The following POU5F1 variants were observed in gnomAD, a reference collection of about 807,000 sequenced individuals.
POU5F1 encodes the protein POU class 5 homeobox 1.
POU5F1 carries 6 observed loss-of-function variants against 38.3 expected under a neutral mutation model. The ratio of observed to expected loss-of-function variants is 0.16; its 90% CI spans 0.09 to 0.31. The LOEUF is 0.31. POU5F1 is among the 10% of genes least tolerant of loss of function. The pLI is 1.00. For synonymous variants in POU5F1, 147 were observed against 194.9 expected, an observed-to-expected ratio of 0.75 and a Z score of 2.05; for missense variants, 286 against 462.6, an observed-to-expected ratio of 0.62 and a Z score of 3.50.
chr6:31,166,956 AATTG>A, intron 1 of POU5F1: 1 of 1,030,146 alleles, frequency 9.7e-7, no homozygotes, highest in South Asian at 1.4e-5. Flanking sequence ...TCATTTTTTA[AATTG>A]ATTATCCCTC....
At chr6:31,166,097 T>C (rs1461395860) in intron 1 of POU5F1, 50 bp from the exon 2 acceptor site, 3 of 1,614,214 alleles carry the variant, frequency 1.9e-6, no homozygotes, top group Non-Finnish European at 1.7e-6. Flanking sequence ...ACACCAGTTA[T>C]CAATCTCCCC....
chr6:31,166,710 ACT>A (rs1777289394), intron 1 of POU5F1: 1 of 1,171,892 alleles, frequency 8.5e-7, no homozygotes, highest in Non-Finnish European at 1.1e-6. Flanking sequence ...AAATTCTCTC[ACT>A]CAAGTATCAC....
In POU5F1 at chr6:31,170,596, A is replaced by C; in HGVS notation, c.25T>G (p.Phe9Val). 6.4e-7 allele frequency: 1 copy of C among 1,561,818 alleles called. No homozygotes were observed. Among genetic ancestry groups the C allele is most frequent in the Non-Finnish European group, 8.7e-7 (1 of 1,154,218 alleles). The change falls in exon 1 of 5, where the codon TTC becomes GTC. Residue 9 changes from phenylalanine to valine, a missense_variant. By Grantham distance (50) the Phe-to-Val change is conservative. Transcript: ENST00000259915. ...CCACCTGGAGGGGGCGAGAAGGCGA[A>C]ATCCGAAGCCAGGTGTCCCGCCATG... Reference protein sequence around the residue: MAGHLASDFAFSPPPGGGG... With the variant: MAGHLASDVAFSPPPGGGG...
In POU5F1 at chr6:31,166,049, T is replaced by G; in HGVS notation, c.406-2A>C. On this transcript the variant is annotated splice_acceptor_variant, in intron 1 of 4. Transcript: ENST00000259915. LOFTEE classifies it high-confidence loss of function. ...CTGCAGAGCTTTGATGTCCTGGGAC[T>G]GGATTTTAAAAGGCAGAAGACTTGT... The G allele has an allele frequency of 6.2e-7, 1 of 1,614,240 alleles. No homozygotes were observed. Among genetic ancestry groups the G allele is most frequent in the African/African-American group, 1.3e-5 (1 of 75,064 alleles).
Position 31,164,672 on chromosome 6 carries a change from G to A in POU5F1, c.1012C>T (p.Pro338Ser), listed in dbSNP as rs1016136973. The A allele has an allele frequency of 6.3e-7, 1 of 1,586,988 alleles. No individual in the cohort carries two copies. The highest frequency in any genetic ancestry group is 1.3e-5 in the African/African-American group (1 of 74,552). The change falls in exon 5 of 5, where the codon CCT (proline) becomes TCT (serine). Residue 338 changes from proline to serine, a missense_variant. Coordinates refer to ENST00000259915, the MANE Select transcript of POU5F1 (RefSeq NM_002701.6). Reference sequence around the variant, plus strand: ...GGAAAGGCTTCCCCCTCAGGGAAAGGGACCGAGGAGTACAGTGCAGTGAAG... The same window carrying A: ...GGAAAGGCTTCCCCCTCAGGGAAAGAGACCGAGGAGTACAGTGCAGTGAAG... ...PHFTALYSSVPFPEGEAFPPV... is the reference protein window; with the variant it reads ...PHFTALYSSVSFPEGEAFPPV...
intron 1 of POU5F1, chr6:31,166,972 T>A: frequency 1.1e-6 from 1 of 947,604 alleles, no homozygotes; most frequent in South Asian, 1.4e-5. Flanking sequence ...TTATCCCTCA[T>A]CTTTACTGTA....
At chr6:31,168,675 C>T (rs1454492884) in intron 1 of POU5F1, among the ~76,000 whole-genome samples, 1 of 152,128 alleles carries the variant, frequency 6.6e-6, no homozygotes, top group Non-Finnish European at 1.5e-5. Context: ...GGATGTAGGA[C>T]ATGAAAGAAA....
In POU5F1 at chr6:31,165,228, T is replaced by C. The variant is rs1306384765; in HGVS notation, c.716A>G (p.Asn239Ser). Residue 239 changes from asparagine (N) to serine (S), a missense_variant, in exon 4 of 5, where the codon AAC (asparagine) becomes AGC (serine). Physicochemically the swap from Asn to Ser is conservative, Grantham distance 46 (BLOSUM62 1). Transcript: ENST00000259915. The surrounding 1 kb of genome is among the most constrained non-coding windows in gnomAD (Gnocchi z 6.5). Reference sequence around the variant, plus strand: ...ATTCTCCAGGTTGCCTCTCACTCGGTTCTCGATACTGGTTCGCTTTCTCTT... The same window carrying C: ...ATTCTCCAGGTTGCCTCTCACTCGGCTCTCGATACTGGTTCGCTTTCTCTT... ...ARKRKRTSIE[N>S]RVRGNLENLF... The C allele has an allele frequency of 6.2e-7, 1 of 1,611,146 alleles. No individual in the cohort carries two copies. The highest frequency in any genetic ancestry group is 8.5e-7 in the Non-Finnish European group (1 of 1,179,076).
intron 1 of POU5F1, 108 bp downstream of exon 1, chr6:31,170,108 C>A: frequency 6.3e-7 from 1 of 1,578,252 alleles, no homozygotes. Flanking sequence ...ACCCTGCCTG[C>A]TCCTCTCCTG....
chr6:31,169,610 G>C (rs72856748), intron 1 of POU5F1, among the ~76,000 whole-genome samples: 13,103 of 152,022 alleles, frequency 0.086, 671 homozygotes, highest in Middle Eastern at 0.16. Flanking sequence ...GCAGAGATCC[G>C]GGGAAGACAA....
At chr6:31,166,311 G>T in intron 1 of POU5F1, 1 of 1,493,836 alleles carries the variant, frequency 6.7e-7, no homozygotes, top group Non-Finnish European at 9.0e-7. Context: ...GCAGAGCATC[G>T]TGAAAGGACA....
In POU5F1 at chr6:31,167,868, A is replaced by G. The variant is rs377122855; in HGVS notation, c.406-1821T>C. On this transcript the variant is annotated intron_variant, in intron 1 of 4. Transcript: ENST00000259915. ...CCTGAAGTGGGCCTTCCAGAGCCCA[A>G]AGCTGGTCTGGTGGCTAGGTAGATC... Among the ~76,000 whole-genome samples the G allele has an allele frequency of 3.3e-5, 5 of 152,144 alleles. No homozygotes were observed. The East Asian group carries it at 5.8e-4, about 18-fold the overall frequency.
intron 1 of POU5F1, among the ~76,000 whole-genome samples, chr6:31,168,995 G>T (rs1228748357): frequency 1.3e-5 from 2 of 152,140 alleles, no homozygotes; most frequent in African/African-American, 4.8e-5. Flanking sequence ...CAAATAGGCT[G>T]TTTTCATCCC....
At chr6:31,169,464 A>C (rs529710960) in intron 1 of POU5F1, among the ~76,000 whole-genome samples, 12 of 152,292 alleles carry the variant, frequency 7.9e-5, no homozygotes, top group African/African-American at 2.9e-4. Flanking sequence ...CTATATTTGC[A>C]AATGGCCTGG....
At position 31,165,870 on chromosome 6, in the gene POU5F1, G is replaced by A. The variant is rs988757143; in HGVS notation, c.526+57C>T. The A allele has an allele frequency of 9.3e-6, 15 of 1,609,970 alleles. No homozygotes were observed. Among genetic ancestry groups the A allele is most frequent in the Non-Finnish European group, 1.3e-5 (15 of 1,177,606 alleles). ...GTCTGCCCCTGCCCCTCCCCACTAG[G>A]TTCAGGGATACTCCTTAGAGGGGAG... On this transcript the variant is annotated intron_variant, in intron 2 of 4. Transcript: ENST00000259915. This position sits in a 1 kb window ranked among gnomAD's most constrained non-coding sequence, Gnocchi z 6.5.
chr6:31,167,742 G>A (rs1777377013), intron 1 of POU5F1, among the ~76,000 whole-genome samples: 1 of 151,884 alleles, frequency 6.6e-6, no homozygotes. Flanking sequence ...GTCTATAGGA[G>A]TAGGGTAAAG....
intron 1 of POU5F1, chr6:31,169,930 G>A (rs1450267094): frequency 1.9e-6 from 1 of 522,938 alleles, no homozygotes; most frequent in Non-Finnish European, 3.4e-6. Context: ...ACCCTGACAA[G>A]GGCTGGGCCA....
Position 31,165,022 on chromosome 6 carries a change from C to G in POU5F1, c.816+106G>C. On this transcript the variant is annotated intron_variant, in intron 4 of 4. Transcript: ENST00000259915. The surrounding 1 kb of genome is among the most constrained non-coding windows in gnomAD (Gnocchi z 6.5). ...AGACAGGCCTGACTGCTTGGACATT[C>G]TGTCCAAAGCCAACAGCCCTAGAGC... is the stretch of plus-strand genomic sequence containing the variant. The G allele has an allele frequency of 1.9e-6, 3 of 1,547,962 alleles. No homozygotes were observed. The highest frequency in any genetic ancestry group is 1.7e-6 in the Non-Finnish European group (2 of 1,142,952).
At chr6:31,170,067 G>T in intron 1 of POU5F1, 149 bp downstream of exon 1, 2 of 1,308,904 alleles carry the variant, frequency 1.5e-6, no homozygotes, top group Non-Finnish European at 2.1e-6. Flanking sequence ...GCCAGCAGTT[G>T]ATACACACCC....
Sources: gnomAD v4.1 joint callset for allele counts (sites outside exome capture counted in the v4.1 genomes callset) on GRCh38, gnomAD v4.1.1 for gene constraint, Gnocchi (gnomAD v3.1) non-coding constraint, MANE v1.5 for transcripts, NCBI Gene and HGNC (gene_info 2026-07-23, HGNC 2026-07-21) for gene names.